The following ZNF600 variants were observed in gnomAD, a reference collection of about 807,000 sequenced individuals.
ZNF600 encodes the protein zinc finger protein 600.
Under a neutral mutation model 7.3 loss-of-function variants are expected in ZNF600, and 4 were observed. The ratio of observed to expected loss-of-function variants is 0.55; its 90% CI spans 0.27 to 1.25. The LOEUF is 1.25. Ranked by LOEUF, ZNF600 falls within the 50% of genes most tolerant of loss-of-function variation. The pLI, the probability that ZNF600 is intolerant of heterozygous loss-of-function variation, is 0.12. For synonymous variants in ZNF600, 290 were observed against 308.9 expected (o/e 0.94, Z 0.64); for missense variants, 911 against 922.1 (o/e 0.99, Z 0.16).
At chr19:52,818,841 A>G in the ZNF600 span, among the ~76,000 whole-genome samples, 84,939 of 140,356 alleles carry the variant, frequency 0.61, 28,845 homozygotes, top group Non-Finnish European at 0.7. Flanking sequence ...CAAGATCACA[A>G]GACTGCACTC....
At chr19:52,785,128 T>C (rs1328744159) in intron 1 of ZNF600, among the ~76,000 whole-genome samples, 3 of 152,058 alleles carry the variant, frequency 2.0e-5, no homozygotes, top group Non-Finnish European at 4.4e-5. Flanking sequence ...CTTTTCTTTT[T>C]CCCTGGGATT....
chr19:52,828,037 ATTTT>A, the ZNF600 span, among the ~76,000 whole-genome samples: 1 of 151,850 alleles, frequency 6.6e-6, no homozygotes, highest in African/African-American at 2.4e-5. Context: ...GCACTTTGTG[ATTTT>A]TTTTAATTTT....
chr19:52,787,448 C>T (rs1321382731), upstream of ZNF600, among the ~76,000 whole-genome samples: 3 of 145,524 alleles, frequency 2.1e-5, no homozygotes, highest in Non-Finnish European at 4.5e-5. Flanking sequence ...GCTGTGTCGC[C>T]CAGGCTGGAG....
At chr19:52,811,566 C>T in the ZNF600 span, among the ~76,000 whole-genome samples, 5 of 146,930 alleles carry the variant, frequency 3.4e-5, no homozygotes, top group African/African-American at 5.1e-5. Context: ...ATGTGAGGAG[C>T]GCCTCTGCTG....
chr19:52,801,594 T>C, the ZNF600 span: 1 of 1,614,160 alleles, frequency 6.2e-7, no homozygotes, highest in Non-Finnish European at 8.5e-7. Context: ...GAAGCAAAAA[T>C]CTCCAATGTG....
the ZNF600 span, among the ~76,000 whole-genome samples, chr19:52,810,880 C>G: frequency 5.7e-5 from 1 of 17,588 alleles, no homozygotes; most frequent in African/African-American, 3.0e-4. Flanking sequence ...TCCCCCTCCC[C>G]CTCCCCCTCC....
the ZNF600 span, among the ~76,000 whole-genome samples, chr19:52,793,764 CCA>C: frequency 0.08 from 11,097 of 138,074 alleles, 508 homozygotes; most frequent in Non-Finnish European, 0.11. Context: ...CCAAACTCTG[CCA>C]CACACACACA....
the ZNF600 span, chr19:52,801,451 C>T: frequency 1.9e-6 from 3 of 1,614,058 alleles, no homozygotes; most frequent in African/African-American, 4.0e-5. Flanking sequence ...TGCTTGTTTC[C>T]AGCATGCCTT....
intron 3 of ZNF600, among the ~76,000 whole-genome samples, chr19:52,771,757 C>T (rs989132691): frequency 2.0e-5 from 3 of 152,146 alleles, no homozygotes; most frequent in Admixed American, 2.0e-4. Context: ...GGATTATAGT[C>T]GTGAGCCATC....
At chr19:52,808,305 A>G in the ZNF600 span, among the ~76,000 whole-genome samples, 1 of 152,240 alleles carries the variant, frequency 6.6e-6, no homozygotes. Context: ...AGTGATCAAG[A>G]CACACTTTCA....
the ZNF600 span, among the ~76,000 whole-genome samples, chr19:52,832,090 G>A: frequency 6.6e-6 from 1 of 151,946 alleles, no homozygotes; most frequent in Non-Finnish European, 1.5e-5. Context: ...ACATCACAGT[G>A]TAATCCCAGC....
the ZNF600 span, among the ~76,000 whole-genome samples, chr19:52,811,076 T>C: frequency 6.7e-6 from 1 of 148,516 alleles, no homozygotes; most frequent in Non-Finnish European, 1.5e-5. Flanking sequence ...TTTTTTTTGG[T>C]GGAGACGGGG....
intron 1 of ZNF600, 33 bp downstream of exon 3, chr19:52,780,548 G>A (rs1055974393): frequency 2.8e-5 from 4 of 144,176 alleles, no homozygotes; most frequent in Non-Finnish European, 4.5e-5. Context: ...CAGACCCATA[G>A]GAACATGTCT....
At chr19:52,810,480 C>T in the ZNF600 span, 3 of 1,585,186 alleles carry the variant, frequency 1.9e-6, no homozygotes, top group African/African-American at 2.7e-5. Flanking sequence ...ACTTCCTTGG[C>T]CTTGGATGAG....
At chr19:52,801,145 G>C in the ZNF600 span, 1 of 1,613,954 alleles carries the variant, frequency 6.2e-7, no homozygotes, top group Non-Finnish European at 8.5e-7. Context: ...TGGGTTATCT[G>C]ATGTTTTTTT....
exon 1 of ZNF600, chr19:52,786,782 GCC>G (rs3971707): frequency 0.84 from 333,886 of 395,408 alleles, 141,913 homozygotes; most frequent in Middle Eastern, 0.91. Flanking sequence ...GTTTGTGCGC[GCC>G]CAGGACTGAA....
chr19:52,825,425 A>C, the ZNF600 span, among the ~76,000 whole-genome samples: 6 of 152,092 alleles, frequency 3.9e-5, no homozygotes, highest in African/African-American at 1.4e-4. Flanking sequence ...ATGTAATCCC[A>C]GTACTTGGGA....
the ZNF600 span, among the ~76,000 whole-genome samples, chr19:52,806,753 T>A: frequency 6.6e-6 from 1 of 151,774 alleles, no homozygotes; most frequent in Non-Finnish European, 1.5e-5. Flanking sequence ...AACACAAAAA[T>A]TAGCTGGGCA....
chr19:52,812,241 G>T, the ZNF600 span, among the ~76,000 whole-genome samples: 1 of 137,964 alleles, frequency 7.2e-6, no homozygotes, highest in South Asian at 2.3e-4. Context: ...CCCTCTGCCC[G>T]GCCACGACCC....
Sources: allele counts gnomAD v4.1 joint callset (sites outside exome capture counted in the v4.1 genomes callset), GRCh38; gene constraint gnomAD v4.1.1; transcripts MANE v1.5; gene names NCBI Gene and HGNC (gene_info 2026-07-23, HGNC 2026-07-21).